The following UGT1A9 variants were observed in gnomAD, a reference collection of about 807,000 sequenced individuals.
The protein encoded by UGT1A9 is UDP glucuronosyltransferase family 1 member A9.
UGT1A9 carries 35 observed loss-of-function variants against 45.0 expected under a neutral mutation model. That is an observed-to-expected ratio of 0.78 (90% confidence interval 0.59 to 1.03). The LOEUF (loss-of-function observed/expected upper bound fraction) is 1.03. Among genes scored for constraint, UGT1A9 ranks in the 50% least tolerant of loss-of-function variants. The probability of loss-of-function intolerance (pLI) is 0.00; values close to 1 mark genes in which losing one functional copy is unlikely to be tolerated. For missense variants in UGT1A9, 687 were observed against 666.6 expected, an observed-to-expected ratio of 1.03 and a Z score of -0.34; for synonymous variants, 278 against 250.6, an observed-to-expected ratio of 1.11 and a Z score of -1.03.
chr2:233,772,282 G>T lies in UGT1A9; in HGVS notation c.1316G>T (p.Arg439Leu), dbSNP rs748166510. 6.2e-7 allele frequency: 1 copy of T among 1,614,194 alleles called. No homozygotes were observed. Among genetic ancestry groups the T allele is most frequent in the Non-Finnish European group, 8.5e-7 (1 of 1,180,040 alleles). The change falls in exon 5 of 5, where the codon CGC becomes CTC. Residue 439 changes from arginine (R) to leucine (L), a missense_variant. By Grantham distance (102) the Arg-to-Leu change is moderately radical. Transcript: ENST00000354728. ...TTTAGTTACAAGGAGAACATCATGC[G>T]CCTCTCCAGCCTTCACAAGGACCGC... ...NDKSYKENIM[R>L]LSSLHKDRPV...
chr2:233,724,330 CG>C (rs1206363001), intron 1 of UGT1A9, among the ~76,000 whole-genome samples: 3 of 121,984 alleles, frequency 2.5e-5, no homozygotes, highest in Non-Finnish European at 3.5e-5. Context: ...GCTGGCCAGG[CG>C]GGGGGCTGAC....
At chr2:233,708,841 G>A (rs955602115) in intron 1 of UGT1A9, 2 of 151,974 alleles carry the variant, frequency 1.3e-5, no homozygotes, top group African/African-American at 4.8e-5. Flanking sequence ...TTGTTGCAGG[G>A]CTTTTCTTTT....
At chr2:233,767,192 A>G (rs752013731) in intron 2 of UGT1A9, 27 bp downstream of exon 2, 12 of 1,613,678 alleles carry the variant, frequency 7.4e-6, no homozygotes, top group Non-Finnish European at 9.3e-6. Flanking sequence ...CCATGGCCTC[A>G]TATCTATTTT....
chr2:233,730,043 T>A (rs766678673), intron 1 of UGT1A9: 9 of 1,612,624 alleles, frequency 5.6e-6, no homozygotes, highest in South Asian at 2.2e-5. Context: ...AAACACTTTT[T>A]AAAAAAATGT....
intron 1 of UGT1A9, among the ~76,000 whole-genome samples, chr2:233,752,079 A>T (rs1159289644): frequency 6.6e-6 from 1 of 152,210 alleles, no homozygotes; most frequent in Non-Finnish European, 1.5e-5. Flanking sequence ...AAGTCTCTCT[A>T]CCTGTTTGGA....
chr2:233,682,232 A>G (rs1575428542), intron 1 of UGT1A9: 6 of 1,614,176 alleles, frequency 3.7e-6, no homozygotes, highest in East Asian at 2.2e-5. Context: ...TGCTCGCTGG[A>G]CGGCACCATT....
intron 1 of UGT1A9, among the ~76,000 whole-genome samples, chr2:233,723,421 G>T (rs2077083067): frequency 7.4e-6 from 1 of 135,012 alleles, no homozygotes; most frequent in South Asian, 2.8e-4. Context: ...TACTGGTCAG[G>T]CTGGTCTCGA....
chr2:233,759,375 T>C (rs1697120269), intron 1 of UGT1A9, among the ~76,000 whole-genome samples: 2 of 152,058 alleles, frequency 1.3e-5, no homozygotes, highest in Admixed American at 1.3e-4. Flanking sequence ...AGGTACAGGT[T>C]TTCAGGATAC....
At chr2:233,700,037 A>T (rs1478316932) in intron 1 of UGT1A9, among the ~76,000 whole-genome samples, 1 of 152,206 alleles carries the variant, frequency 6.6e-6, no homozygotes, top group Non-Finnish European at 1.5e-5. Context: ...ACTCTGATCT[A>T]AATCAATTCC....
chr2:233,712,902 G>C (rs1351189678), intron 1 of UGT1A9: 2 of 1,609,384 alleles, frequency 1.2e-6, no homozygotes, highest in East Asian at 2.2e-5. Context: ...TTTGCTAGGT[G>C]TCTCAGTGAC....
intron 1 of UGT1A9, chr2:233,681,945 G>C (rs752380757): frequency 6.2e-7 from 1 of 1,613,336 alleles, no homozygotes. Context: ...CTGATGGCTC[G>C]TGCAGGGTGG....
At chr2:233,674,063 C>T (rs944604796) in intron 1 of UGT1A9, among the ~76,000 whole-genome samples, 2 of 152,110 alleles carry the variant, frequency 1.3e-5, no homozygotes, top group African/African-American at 4.8e-5. Flanking sequence ...CCAGATTAAA[C>T]ACCTAATGTC....
chr2:233,743,195 G>C, intron 1 of UGT1A9: 2 of 380,014 alleles, frequency 5.3e-6, no homozygotes, highest in South Asian at 3.9e-5. Flanking sequence ...GAATTACTTG[G>C]TGTCAATGCG....
At chr2:233,682,309 C>T in intron 1 of UGT1A9, 1 of 1,614,034 alleles carries the variant, frequency 6.2e-7, no homozygotes. Flanking sequence ...TTTCAAATTG[C>T]AGGAGTTTGT....
chr2:233,682,923 G>A, intron 1 of UGT1A9: 4 of 1,471,882 alleles, frequency 2.7e-6, no homozygotes, highest in Non-Finnish European at 3.6e-6. Flanking sequence ...GAATTCTTTT[G>A]TACCAATTCA....
At chr2:233,725,829 C>A (rs1473271913) in intron 1 of UGT1A9, among the ~76,000 whole-genome samples, 1 of 152,074 alleles carries the variant, frequency 6.6e-6, no homozygotes, top group African/African-American at 2.4e-5. Flanking sequence ...ACCAGTATTG[C>A]TACTCCTATG....
At position 233,772,404 on chromosome 2, in the gene UGT1A9, T is replaced by C; in HGVS notation, c.1438T>C (p.Trp480Arg). The change falls in exon 5 of 5, where the codon TGG becomes CGG. Residue 480 changes from tryptophan (W) to arginine (R), a missense_variant. Coordinates refer to ENST00000354728, the MANE Select transcript of UGT1A9 (RefSeq NM_021027.3). ...HLRPAAHDLT[W>R]YQYHSLDVIG... ...GCGCCCCGCAGCCCACGACCTCACC[T>C]GGTACCAGTACCATTCCTTGGACGT... is the stretch of plus-strand genomic sequence containing the variant. 6.2e-7 allele frequency: 1 copy of C among 1,614,214 alleles called. No individual in the cohort carries two copies. The highest frequency in any genetic ancestry group is 8.5e-7 in the Non-Finnish European group (1 of 1,180,034).
chr2:233,709,328 A>G (rs1356489247), intron 1 of UGT1A9, among the ~76,000 whole-genome samples: 1 of 152,084 alleles, frequency 6.6e-6, no homozygotes, highest in Non-Finnish European at 1.5e-5. Context: ...TTTTGTTACT[A>G]GTTTGTCATA....
chr2:233,770,051 A>G (rs1483114372), intron 4 of UGT1A9: 1 of 154,750 alleles, frequency 6.5e-6, no homozygotes, highest in Non-Finnish European at 1.4e-5. Flanking sequence ...CTTGAGGCTC[A>G]CATTATGGAT....
Sources: gnomAD v4.1 joint callset for allele counts (sites outside exome capture counted in the v4.1 genomes callset) on GRCh38, gnomAD v4.1.1 for gene constraint, MANE v1.5 for transcripts, NCBI Gene and HGNC (gene_info 2026-07-23, HGNC 2026-07-21) for gene names.